The following ZZEF1 variants were observed in gnomAD, a reference collection of about 807,000 sequenced individuals.
ZZEF1 encodes zinc finger ZZ-type and EF-hand domain containing 1, also known as zinc finger ZZ-type and EF-hand domain-containing protein 1.
A neutral mutation model predicts 342.8 loss-of-function variants in ZZEF1; 157 were observed. That is an observed-to-expected ratio of 0.46 (90% CI 0.40 to 0.52). ZZEF1 has a LOEUF of 0.52. Ranked by LOEUF, ZZEF1 falls within the 20% of genes least tolerant of loss-of-function variation. The pLI, the probability that ZZEF1 is intolerant of heterozygous loss-of-function variation, is 0.00. For synonymous variants in ZZEF1, 1,505 were observed against 1,429.1 expected (o/e 1.05, Z -1.20); for missense variants, 3,480 against 3,725.6 (o/e 0.93, Z 1.72).
chr17:4,106,311 G>C (rs183082815), intron 6 of ZZEF1, among the ~76,000 whole-genome samples: 20 of 152,054 alleles, frequency 1.3e-4, no homozygotes, highest in East Asian at 3.9e-4. Context: ...GTGTTTGTTT[G>C]TTTCTTTCTT....
chr17:4,132,930 C>A (rs1301724462), intron 1 of ZZEF1, among the ~76,000 whole-genome samples: 2 of 152,028 alleles, frequency 1.3e-5, no homozygotes, highest in Admixed American at 6.6e-5. Context: ...CACGCCACTG[C>A]AGTCCAGCCT....
At chr17:4,019,381 T>C (rs570928866) in intron 46 of ZZEF1, among the ~76,000 whole-genome samples, 1 of 152,308 alleles carries the variant, frequency 6.6e-6, no homozygotes, top group East Asian at 1.9e-4. Context: ...GGATTACACA[T>C]GAGAGACATC....
Position 4,050,930 on chromosome 17 carries a change from G to A in ZZEF1, c.5714C>T (p.Ala1905Val), listed in dbSNP as rs1215134729. Reference protein sequence around the residue: ...IHNYSWLLFAALALYSAHLAS... With the variant: ...IHNYSWLLFAVLALYSAHLAS... ...CAGGTGGGCGCTATAGAGAGCCAGG[G>A]CAGCAAAGAGCAGCCAGGAGTAGTT... The change falls in exon 36 of 55, where the codon GCC becomes GTC. Residue 1905 changes from alanine to valine, a missense_variant. By Grantham distance (64) the Ala-to-Val change is moderately conservative. Around this residue, in one of 5 missense-constraint regions of ZZEF1, gnomAD observed 175 missense variants for 254.6 expected, o/e 0.69. Transcript: ENST00000381638. 11 of 1,614,124 alleles carry A rather than the reference G, an allele frequency of 6.8e-6. No individual in the cohort carries two copies. Among genetic ancestry groups the A allele is most frequent in the African/African-American group, 1.3e-5 (1 of 74,938 alleles).
chr17:4,037,578 TTTC>T (rs2056701487), intron 39 of ZZEF1, among the ~76,000 whole-genome samples: 1 of 152,136 alleles, frequency 6.6e-6, no homozygotes, highest in African/African-American at 2.4e-5. Flanking sequence ...GTTCATTCTT[TTTC>T]TTTTTCTTTT....
chr17:4,126,472 A>G (rs535541164), intron 1 of ZZEF1, among the ~76,000 whole-genome samples: 1 of 152,296 alleles, frequency 6.6e-6, no homozygotes, highest in East Asian at 1.9e-4. Flanking sequence ...AACAGCTACA[A>G]AATTTTGGAA....
At chr17:4,074,109 C>T (rs773305632) in intron 24 of ZZEF1, 41 bp downstream of exon 24, 4 of 1,606,044 alleles carry the variant, frequency 2.5e-6, no homozygotes, top group Non-Finnish European at 3.4e-6. Context: ...TTGCACTTCA[C>T]CGTGGTTGTA....
chr17:4,104,724 G>A lies in ZZEF1; in HGVS notation c.1482C>T (p.Cys494=), dbSNP rs369754145. Reference sequence around the variant, plus strand: ...GCGTGTCCAGATGGTCAGTGATGGTGCATAGAGAGCTCATGACTTTGGCAA... The same window carrying A: ...GCGTGTCCAGATGGTCAGTGATGGTACATAGAGAGCTCATGACTTTGGCAA... ...GSVAKVMSSL[C]TITDHLDTQY... Residue 494 remains cysteine (C), a synonymous_variant, in exon 8 of 55, where the codon TGC becomes TGT. Transcript: ENST00000381638. 41 of 1,614,174 alleles carry A rather than the reference G, an allele frequency of 2.5e-5. No individual in the cohort carries two copies. In the African/African-American group the frequency reaches 4.8e-4, roughly 19 times the overall value.
At chr17:4,100,166 CT>C (rs2058103610) in intron 9 of ZZEF1, among the ~76,000 whole-genome samples, 1 of 152,172 alleles carries the variant, frequency 6.6e-6, no homozygotes, top group African/African-American at 2.4e-5. Context: ...ATGAGAAGAG[CT>C]TTTACTCCGA....
intron 53 of ZZEF1, 153 bp from the exon 54 acceptor site, chr17:4,009,107 G>T: frequency 1.1e-6 from 1 of 949,376 alleles, no homozygotes; most frequent in Non-Finnish European, 1.5e-6. Flanking sequence ...GCCTTGCTCA[G>T]AACCCTGGCG....
chr17:4,109,521 C>T, intron 6 of ZZEF1, 132 bp downstream of exon 6: 5 of 864,352 alleles, frequency 5.8e-6, no homozygotes, highest in Non-Finnish European at 9.2e-6. Flanking sequence ...ACAGGAAACA[C>T]TAGGGCACCT....
At chr17:4,065,674 G>A (rs187134958) in intron 28 of ZZEF1, among the ~76,000 whole-genome samples, 167 of 151,648 alleles carry the variant, frequency 1.1e-3, no homozygotes, top group Middle Eastern at 3.4e-3. Context: ...CTCACTCCCC[G>A]GATTACTTCC....
chr17:4,061,665 T>C (rs2057289494), intron 30 of ZZEF1, among the ~76,000 whole-genome samples: 1 of 152,134 alleles, frequency 6.6e-6, no homozygotes, highest in Non-Finnish European at 1.5e-5. Flanking sequence ...CTAAAACGCA[T>C]CACTATCCAC....
chr17:4,007,425 G>A (rs2055828417), intron 54 of ZZEF1, among the ~76,000 whole-genome samples: 1 of 152,228 alleles, frequency 6.6e-6, no homozygotes, highest in Non-Finnish European at 1.5e-5. Flanking sequence ...GGGTGGAGGT[G>A]GCAGAGGGAG....
rs1021906578 is a variant in ZZEF1 at position 4,005,180 on chromosome 17, C to G, written c.*1710G>C. ...CTGTGAGTCCCCTCTTGGGAAACTC[C>G]TTACTGGGAGGCCTCCTCGGGTCTG... On this transcript the variant is annotated 3_prime_UTR_variant, in exon 55 of 55. Transcript: ENST00000381638. 14 of 152,438 alleles carry G rather than the reference C, an allele frequency of 9.2e-5. No individual in the cohort carries two copies. Among genetic ancestry groups the G allele is most frequent in the African/African-American group, 2.9e-4 (12 of 41,580 alleles). The allele number at this position is 152,438 out of a possible 1,614,324, so 9.4% of individuals were successfully genotyped here.
intron 9 of ZZEF1, among the ~76,000 whole-genome samples, chr17:4,099,006 A>G (rs1055203150): frequency 1.3e-5 from 2 of 152,228 alleles, no homozygotes; most frequent in Admixed American, 1.3e-4. Flanking sequence ...TCTAAAAGTT[A>G]AGTGATAAAT....
At chr17:4,078,281 T>C (rs1409716212) in intron 18 of ZZEF1, among the ~76,000 whole-genome samples, 1 of 152,216 alleles carries the variant, frequency 6.6e-6, no homozygotes, top group Non-Finnish European at 1.5e-5. Context: ...CATCTCCTTC[T>C]ACCACCTCAG....
chr17:4,116,883 G>A, intron 3 of ZZEF1, 89 bp downstream of exon 3: 2 of 1,325,348 alleles, frequency 1.5e-6, no homozygotes, highest in East Asian at 5.0e-5. Context: ...CAGAAATGAA[G>A]GCAGGGAAAA....
chr17:4,024,978 C>T lies in ZZEF1; in HGVS notation c.7033G>A (p.Ala2345Thr). 1 of 1,614,178 alleles carries T rather than the reference C, an allele frequency of 6.2e-7. No homozygotes were observed. The highest frequency in any genetic ancestry group is 8.5e-7 in the Non-Finnish European group (1 of 1,180,038). The change falls in exon 43 of 55, where the codon GCA becomes ACA. Residue 2345 changes from alanine to threonine, a missense_variant. Transcript: ENST00000381638. ...GACAGGACCCAAGTTGCTTCTACTG[C>T]CTCGGGACAATGGCTGTCCATGCTG... ...QSSMDSHCPE[A>T]VEATWVLSLA...
At chr17:4,123,522 A>G (rs191685075) in intron 2 of ZZEF1, among the ~76,000 whole-genome samples, 1 of 151,962 alleles carries the variant, frequency 6.6e-6, no homozygotes, top group African/African-American at 2.4e-5. Context: ...TCGTGGAACT[A>G]TAGTACATGA....
Sources: allele counts gnomAD v4.1 joint callset (sites outside exome capture counted in the v4.1 genomes callset), GRCh38; gene constraint gnomAD v4.1.1; regional missense constraint gnomAD v4.1.1; transcripts MANE v1.5; gene names NCBI Gene and HGNC (gene_info 2026-07-23, HGNC 2026-07-21).